CHD1L: variants seen among roughly 807,000 people sequenced by gnomAD.
CHD1L encodes chromodomain helicase DNA binding protein 1 like.
Under a neutral mutation model 115.9 loss-of-function variants are expected in CHD1L, and 118 were observed. The ratio of observed to expected loss-of-function variants is 1.02; its 90% CI spans 0.88 to 1.19. The LOEUF (loss-of-function observed/expected upper bound fraction) is 1.19. Among genes scored for constraint, CHD1L ranks in the 50% most tolerant of loss-of-function variants. The pLI is 0.00. For missense variants in CHD1L, 1,179 were observed against 1,065.3 expected, an observed-to-expected ratio of 1.11 and a Z score of -1.49; for synonymous variants, 411 against 387.1, an observed-to-expected ratio of 1.06 and a Z score of -0.72.
chr1:147,228,370 T>C, the CHD1L span, among the ~76,000 whole-genome samples: 2 of 152,214 alleles, frequency 1.3e-5, no homozygotes, highest in African/African-American at 4.8e-5. Context: ...TAGTATTCCA[T>C]GGTGTATATG....
the CHD1L span, among the ~76,000 whole-genome samples, chr1:147,194,571 G>A: frequency 6.6e-6 from 1 of 152,120 alleles, no homozygotes; most frequent in Non-Finnish European, 1.5e-5. Flanking sequence ...TGGTTATTTT[G>A]CTTGTTAGTT....
At chr1:147,246,383 G>T (rs1666636752) in intron 1 of CHD1L, among the ~76,000 whole-genome samples, 2 of 152,210 alleles carry the variant, frequency 1.3e-5, no homozygotes, top group East Asian at 1.9e-4. Context: ...TACAGATTTT[G>T]TATGAAAATA....
the CHD1L span, chr1:147,209,983 A>C: frequency 2.6e-5 from 4 of 152,226 alleles, no homozygotes; most frequent in African/African-American, 9.7e-5. Context: ...ATAGGAGATA[A>C]AGCCTACACA....
intron 15 of CHD1L, among the ~76,000 whole-genome samples, chr1:147,281,455 G>A (rs1351230143): frequency 2.0e-5 from 3 of 152,114 alleles, no homozygotes; most frequent in Admixed American, 1.3e-4. Flanking sequence ...CATGGATTGG[G>A]GTGGTTTTGT....
intron 16 of CHD1L, among the ~76,000 whole-genome samples, chr1:147,284,752 C>T (rs782019427): frequency 3.9e-5 from 6 of 152,160 alleles, no homozygotes; most frequent in Non-Finnish European, 7.3e-5. Context: ...CCATCCAAGT[C>T]ACCCCTAAAG....
At chr1:147,195,515 T>C in the CHD1L span, among the ~76,000 whole-genome samples, 1 of 151,950 alleles carries the variant, frequency 6.6e-6, no homozygotes, top group Admixed American at 6.6e-5. Context: ...TTGATAAGAG[T>C]AGGGGTTAAG....
chr1:147,262,825 C>T lies in CHD1L; in HGVS notation c.577-1597C>T, dbSNP rs587663063. Among the ~76,000 whole-genome samples the T allele has an allele frequency of 4.6e-5, 7 of 152,080 alleles. No individual in the cohort carries two copies. In the East Asian group the frequency reaches 1.4e-3, roughly 29 times the overall value. On this transcript the variant is annotated intron_variant, in intron 6 of 22. Transcript: ENST00000369258. The stretch of plus-strand genomic sequence containing the variant: ...AAGCAGTGTCTTCCTATGGCCCCCC[C>T]TCCAAATCAAAATATAGAAAGACAA...
chr1:147,214,097 G>A, the CHD1L span, among the ~76,000 whole-genome samples: 1 of 152,092 alleles, frequency 6.6e-6, no homozygotes, highest in Non-Finnish European at 1.5e-5. Flanking sequence ...CCCTACTTAG[G>A]TTAAGGAAAC....
chr1:147,275,673 C>A (rs111310636), intron 13 of CHD1L, among the ~76,000 whole-genome samples: 1 of 150,552 alleles, frequency 6.6e-6, no homozygotes, highest in Non-Finnish European at 1.5e-5. Context: ...GGAGTCAAAT[C>A]AAACTGTGAA....
intron 11 of CHD1L, 36 bp downstream of exon 11, chr1:147,271,041 T>G: frequency 2.6e-6 from 4 of 1,536,210 alleles, no homozygotes; most frequent in Non-Finnish European, 3.6e-6. Context: ...CCTAAGGCTC[T>G]GTTAGACTTA....
At chr1:147,272,681 G>T (rs1553954269) in intron 12 of CHD1L, among the ~76,000 whole-genome samples, 1 of 152,158 alleles carries the variant, frequency 6.6e-6, no homozygotes, top group Admixed American at 6.5e-5. Flanking sequence ...TTCTGGAATA[G>T]TGCTGAAAAG....
At chr1:147,225,300 GC>G in the CHD1L span, 1 of 649,416 alleles carries the variant, frequency 1.5e-6, no homozygotes, top group Non-Finnish European at 2.3e-6. Context: ...CTTTCCTGAA[GC>G]GCTCAACAGA....
intron 11 of CHD1L, 117 bp downstream of exon 11, chr1:147,271,122 A>G (rs1676044621): frequency 1.1e-6 from 1 of 924,248 alleles, no homozygotes; most frequent in African/African-American, 1.6e-5. Flanking sequence ...GGGTGAGAAC[A>G]TTATTCAGAA....
the CHD1L span, among the ~76,000 whole-genome samples, chr1:147,233,456 G>C: frequency 2.7e-5 from 3 of 110,118 alleles, no homozygotes; most frequent in Admixed American, 1.6e-4. Context: ...CAGCCGCCCC[G>C]TCCGGGAGGG....
rs1000124995 is a variant in CHD1L, at chr1:147,275,993, C to T, written c.1386-111C>T. 1.7e-5 allele frequency: 18 copies of T among 1,060,306 alleles called. No homozygotes were observed. In the East Asian group the frequency reaches 4.3e-4, roughly 25 times the overall value. 65.7% of individuals were successfully genotyped at this position (1,060,306 alleles called of 1,614,324 possible). On this transcript the variant is annotated intron_variant, in intron 13 of 22. Coordinates refer to ENST00000369258, the MANE Select transcript of CHD1L (RefSeq NM_004284.6). ...ATGAACCAATCTCCCTTTCATTGTA[C>T]CCTGAATATGGTATTTGGTTTTGTT...
chr1:147,242,021 C>A (rs587721565), upstream of CHD1L, among the ~76,000 whole-genome samples: 15 of 152,248 alleles, frequency 9.9e-5, no homozygotes, highest in African/African-American at 3.1e-4. Flanking sequence ...TTGTTATTAT[C>A]ATATTTATAT....
intron 14 of CHD1L, among the ~76,000 whole-genome samples, chr1:147,277,094 CT>C (rs1678781549): frequency 6.6e-6 from 1 of 151,876 alleles, no homozygotes; most frequent in Admixed American, 6.6e-5. Flanking sequence ...TTTTAGGCCC[CT>C]ATGATGAGGA....
chr1:147,249,813 T>C (rs1667841909), intron 1 of CHD1L, among the ~76,000 whole-genome samples: 1 of 152,208 alleles, frequency 6.6e-6, no homozygotes, highest in Non-Finnish European at 1.5e-5. Context: ...AGCCCTATCC[T>C]CCTTCACCTG....
the CHD1L span, among the ~76,000 whole-genome samples, chr1:147,180,256 A>G: frequency 6.6e-6 from 1 of 152,070 alleles, no homozygotes; most frequent in Non-Finnish European, 1.5e-5. Flanking sequence ...GGAAATAGAG[A>G]AAAAAGACTC....
Sources: gnomAD v4.1 joint callset for allele counts (sites outside exome capture counted in the v4.1 genomes callset) on GRCh38, gnomAD v4.1.1 for gene constraint, MANE v1.5 for transcripts, NCBI Gene and HGNC (gene_info 2026-07-23, HGNC 2026-07-21) for gene names.